Variants in PARP8 observed in about 807,000 individuals in gnomAD.
PARP8 encodes the protein poly(ADP-ribose) polymerase family member 8.
A neutral mutation model predicts 124.1 loss-of-function variants in PARP8; 51 were observed. The observed-to-expected ratio is 0.41, with a 90% CI of 0.33 to 0.52. The LOEUF (loss-of-function observed/expected upper bound fraction) is 0.52. Ranked by LOEUF, PARP8 falls within the 20% of genes least tolerant of loss-of-function variation. PARP8 has a pLI of 0.21. For synonymous variants in PARP8, 391 were observed against 361.5 expected, an observed-to-expected ratio of 1.08 and a Z score of -0.93; for missense variants, 860 against 1,018.9, an observed-to-expected ratio of 0.84 and a Z score of 2.12.
At chr5:50,827,652 C>G (rs77012001) in intron 19 of PARP8, among the ~76,000 whole-genome samples, 1 of 152,094 alleles carries the variant, frequency 6.6e-6, no homozygotes, top group African/African-American at 2.4e-5. Context: ...TCTGCTTAAA[C>G]ATGATTGCAT....
chr5:50,778,654 A>C lies in PARP8; in HGVS notation c.670+4A>C. 1 of 1,566,750 alleles carries C rather than the reference A, an allele frequency of 6.4e-7. No homozygotes were observed. Among genetic ancestry groups the C allele is most frequent in the Non-Finnish European group, 8.7e-7 (1 of 1,153,074 alleles). ...ACACAGTATTTAAATGGCCCAGGTT[A>C]GTTTTATTTCTTTATTTATTATTTT... is the stretch of plus-strand genomic sequence containing the variant. On this transcript the variant is annotated splice_donor_region_variant and intron_variant, in intron 9 of 25. Coordinates refer to ENST00000281631, the MANE Select transcript of PARP8 (RefSeq NM_024615.4).
intron 18 of PARP8, among the ~76,000 whole-genome samples, chr5:50,826,373 A>G (rs1746354102): frequency 6.6e-6 from 1 of 152,140 alleles, no homozygotes; most frequent in Admixed American, 6.6e-5. Flanking sequence ...AATTTAAGCA[A>G]TGTAAGAGAG....
At chr5:50,678,863 T>C (rs1750946622) in intron 2 of PARP8, among the ~76,000 whole-genome samples, 1 of 152,164 alleles carries the variant, frequency 6.6e-6, no homozygotes, top group Non-Finnish European at 1.5e-5. Flanking sequence ...GAAGTCAGTG[T>C]TTGTTATTAC....
chr5:50,757,758 A>C (rs758651105), intron 3 of PARP8, among the ~76,000 whole-genome samples: 72 of 152,228 alleles, frequency 4.7e-4, no homozygotes, highest in South Asian at 8.3e-4. Flanking sequence ...CTATTTAGTT[A>C]TTCACTCCCC....
intron 9 of PARP8, among the ~76,000 whole-genome samples, chr5:50,787,943 C>T (rs1344344425): frequency 6.7e-6 from 1 of 148,944 alleles, no homozygotes; most frequent in Admixed American, 6.7e-5. Context: ...CATATATATA[C>T]ACACACATAT....
Position 50,758,772 on chromosome 5 carries a change from A to C in PARP8, c.185-871A>C, listed in dbSNP as rs79692695. Reference sequence around the variant, plus strand: ...AATCATCAATGAGCAAAGAAAAATAAATACCTAAGAATTGTATTACCATAT... The same window carrying C: ...AATCATCAATGAGCAAAGAAAAATACATACCTAAGAATTGTATTACCATAT... On this transcript the variant is annotated intron_variant, in intron 3 of 25. Transcript: ENST00000281631. Among the ~76,000 whole-genome samples the C allele has an allele frequency of 7.5e-3, 1,137 of 152,292 alleles. 14 individuals carry two copies. Among genetic ancestry groups the C allele is most frequent in the African/African-American group, 0.026 (1,067 of 41,542 alleles).
In PARP8 at chr5:50,827,973, G is replaced by A; in HGVS notation, c.2007G>A (p.Gln669=). ...RQLKFMHTPH[Q]FLLLSSPPAK... is the part of the protein sequence containing the mutation. ...TGAAGTTTATGCATACTCCACATCA[G>A]TTCCTTCTTCTCAGCAGTCCACCAG... Residue 669 remains glutamine, a synonymous_variant, in exon 20 of 26, where the codon CAG becomes CAA. Coordinates refer to ENST00000281631, the MANE Select transcript of PARP8 (RefSeq NM_024615.4). 12 of 1,613,520 alleles carry A rather than the reference G, an allele frequency of 7.4e-6. No homozygotes were observed. The highest frequency in any genetic ancestry group is 9.3e-6 in the Non-Finnish European group (11 of 1,179,566).
chr5:50,695,047 C>T (rs569735767), intron 2 of PARP8, among the ~76,000 whole-genome samples: 13 of 152,256 alleles, frequency 8.5e-5, no homozygotes, highest in African/African-American at 2.6e-4. Flanking sequence ...CAGACTGACT[C>T]GGATGGGTCT....
chr5:50,825,739 A>G (rs2149708661), intron 18 of PARP8, among the ~76,000 whole-genome samples: 1 of 152,312 alleles, frequency 6.6e-6, no homozygotes, highest in South Asian at 2.1e-4. Flanking sequence ...CAGTAATACA[A>G]ATGTAAGGCT....
chr5:50,814,709 T>A (rs1744891586), intron 14 of PARP8, among the ~76,000 whole-genome samples: 1 of 152,150 alleles, frequency 6.6e-6, no homozygotes, highest in African/African-American at 2.4e-5. Context: ...CACTAACAAA[T>A]GCCTTTTGTC....
intron 2 of PARP8, among the ~76,000 whole-genome samples, chr5:50,695,324 T>G (rs79147106): frequency 0.029 from 4,365 of 152,308 alleles, 88 homozygotes; most frequent in Middle Eastern, 0.041. Flanking sequence ...CATGACCTGA[T>G]GTAGCACACC....
intron 4 of PARP8, 125 bp from the exon 5 acceptor site, chr5:50,760,167 T>C: frequency 1.2e-6 from 1 of 862,290 alleles, no homozygotes; most frequent in Non-Finnish European, 1.6e-6. Flanking sequence ...TTTCAAAATA[T>C]CCCTTAATTC....
chr5:50,798,570 G>A (rs1252511717), intron 14 of PARP8, among the ~76,000 whole-genome samples: 3 of 151,686 alleles, frequency 2.0e-5, no homozygotes, highest in South Asian at 2.1e-4. Context: ...ACAGGCACCC[G>A]CCACCACGCC....
intron 2 of PARP8, among the ~76,000 whole-genome samples, chr5:50,708,297 A>G (rs1754372377): frequency 6.6e-6 from 1 of 152,030 alleles, no homozygotes; most frequent in South Asian, 2.1e-4. Context: ...TATGATGCAC[A>G]TCTGTTGTCA....
At chr5:50,683,123 T>A (rs10940472) in intron 2 of PARP8, among the ~76,000 whole-genome samples, 2 of 151,992 alleles carry the variant, frequency 1.3e-5, no homozygotes, top group Admixed American at 6.6e-5. Context: ...GTTCCCATGG[T>A]TAATGCAGCA....
chr5:50,723,222 A>G (rs76765537), intron 2 of PARP8, among the ~76,000 whole-genome samples: 6,587 of 152,236 alleles, frequency 0.043, 453 homozygotes, highest in African/African-American at 0.15. Flanking sequence ...GTGTACATCG[A>G]AAGTCTCATG....
At chr5:50,682,278 G>A (rs1190851268) in intron 2 of PARP8, among the ~76,000 whole-genome samples, 6 of 152,104 alleles carry the variant, frequency 3.9e-5, no homozygotes, top group Non-Finnish European at 8.8e-5. Context: ...ATACACCTTG[G>A]GAGGCAGGGT....
At position 50,823,708 on chromosome 5, in the gene PARP8, C is replaced by T. The variant is rs189423843; in HGVS notation, c.1861-1200C>T. 3.3e-4 allele frequency among the ~76,000 whole-genome samples: 50 copies of T among 152,330 alleles called. 1 individual carries two copies. In the East Asian group the frequency reaches 7.1e-3, roughly 22 times the overall value. ...TTATTTTTGGATTTAAAAATAGCTACAAACTCTGACTCTGGAATCAGCTCT... is the reference window on the plus strand; with the variant it reads ...TTATTTTTGGATTTAAAAATAGCTATAAACTCTGACTCTGGAATCAGCTCT... On this transcript the variant is annotated intron_variant, in intron 17 of 25. Coordinates refer to ENST00000281631, the MANE Select transcript of PARP8 (RefSeq NM_024615.4).
chr5:50,781,451 A>C (rs1325376971), intron 9 of PARP8, among the ~76,000 whole-genome samples: 1 of 152,238 alleles, frequency 6.6e-6, no homozygotes, highest in Non-Finnish European at 1.5e-5. Context: ...ATGTGTGAAC[A>C]GTTCTCCCAT....
Sources: gnomAD v4.1 joint callset for allele counts (sites outside exome capture counted in the v4.1 genomes callset) on GRCh38, gnomAD v4.1.1 for gene constraint, MANE v1.5 for transcripts, NCBI Gene and HGNC (gene_info 2026-07-23, HGNC 2026-07-21) for gene names.